The following NSUN6 variants were observed in gnomAD, a reference collection of about 807,000 sequenced individuals.
The protein encoded by NSUN6 is tRNA (cytosine(72)-C(5))-methyltransferase NSUN6.
Under a neutral mutation model 58.0 loss-of-function variants are expected in NSUN6, and 64 were observed. The ratio of observed to expected loss-of-function variants is 1.10; its 90% confidence interval spans 0.90 to 1.36. NSUN6 has a LOEUF of 1.36. NSUN6 is among the 40% of genes most tolerant of loss of function. The probability of loss-of-function intolerance (pLI) is 0.00; values close to 1 mark genes in which losing one functional copy is unlikely to be tolerated. For missense variants in NSUN6, 701 were observed against 550.1 expected (o/e 1.27, Z -2.74); for synonymous variants, 231 against 193.9 (o/e 1.19, Z -1.59).
chr10:18,620,334 G>T (rs558495281), intron 3 of NSUN6, among the ~76,000 whole-genome samples: 2 of 152,104 alleles, frequency 1.3e-5, no homozygotes, highest in African/African-American at 4.8e-5. Context: ...TGATCCGCCC[G>T]CCTCGGCCTC....
chr10:18,555,847 T>C (rs571604381), intron 8 of NSUN6, among the ~76,000 whole-genome samples: 3 of 134,018 alleles, frequency 2.2e-5, no homozygotes, highest in African/African-American at 5.8e-5. Flanking sequence ...TGGAGAAAAA[T>C]GGAATGGAGA....
chr10:18,565,357 C>G (rs2130912611), intron 8 of NSUN6, among the ~76,000 whole-genome samples: 1 of 150,234 alleles, frequency 6.7e-6, no homozygotes, highest in East Asian at 2.0e-4. Context: ...CATTCTATTC[C>G]CTTCCACTCT....
intron 10 of NSUN6, among the ~76,000 whole-genome samples, 173 bp downstream of exon 10, chr10:18,547,939 G>A (rs2054382641): frequency 1.3e-5 from 2 of 152,152 alleles, no homozygotes; most frequent in Admixed American, 1.3e-4. Context: ...AACTTTGTCA[G>A]GACATGCAAA....
chr10:18,631,211 T>C (rs2059018722), intron 3 of NSUN6, among the ~76,000 whole-genome samples: 1 of 151,872 alleles, frequency 6.6e-6, no homozygotes, highest in African/African-American at 2.4e-5. Flanking sequence ...TAACCCTTCA[T>C]GCTAAAAACT....
chr10:18,656,936 C>G (rs924697799), upstream of NSUN6, among the ~76,000 whole-genome samples: 2 of 149,816 alleles, frequency 1.3e-5, no homozygotes, highest in Non-Finnish European at 3.0e-5. Flanking sequence ...AAATGAGCCT[C>G]TTGCCTCAGC....
At chr10:18,563,259 A>G (rs890347804) in intron 8 of NSUN6, among the ~76,000 whole-genome samples, 6 of 150,400 alleles carry the variant, frequency 4.0e-5, no homozygotes, top group Non-Finnish European at 7.4e-5. Context: ...GAAATGGAGA[A>G]TGGAAGGGAA....
rs770611375 is a variant in NSUN6 at position 18,602,971 on chromosome 10, A to G, written c.658-6644T>C. On this transcript the variant is annotated intron_variant, in intron 6 of 10. Coordinates refer to ENST00000377304, the MANE Select transcript of NSUN6 (RefSeq NM_182543.5). ...ATTGACCAAAATATACAACCTCTAC[A>G]TAAGTCCTAGCCTATTAATGCTTTT... Among the ~76,000 whole-genome samples the G allele has an allele frequency of 2.2e-4, 34 of 152,308 alleles. No homozygotes were observed. In the Middle Eastern group the frequency reaches 0.01, roughly 46 times the overall value.
chr10:18,605,622 T>A (rs186442211), intron 6 of NSUN6, among the ~76,000 whole-genome samples: 2 of 152,214 alleles, frequency 1.3e-5, no homozygotes, highest in Non-Finnish European at 2.9e-5. Flanking sequence ...GTGAAATCAG[T>A]TGGCGTCTAG....
intron 3 of NSUN6, among the ~76,000 whole-genome samples, chr10:18,620,154 C>T (rs1418860551): frequency 6.6e-6 from 1 of 151,404 alleles, no homozygotes; most frequent in Non-Finnish European, 1.5e-5. Context: ...GTTGCGCCAT[C>T]TTGGCTCGCT....
At chr10:18,569,963 C>G (rs1011179434) in intron 8 of NSUN6, among the ~76,000 whole-genome samples, 3 of 151,090 alleles carry the variant, frequency 2.0e-5, no homozygotes, top group Non-Finnish European at 4.4e-5. Flanking sequence ...ACTCCCCATT[C>G]CATTACATTC....
intron 6 of NSUN6, among the ~76,000 whole-genome samples, chr10:18,606,349 C>A (rs1023456533): frequency 6.0e-5 from 9 of 151,004 alleles, no homozygotes; most frequent in Non-Finnish European, 8.8e-5. Context: ...AACAAAATAC[C>A]TTAGTCTCAA....
intron 3 of NSUN6, among the ~76,000 whole-genome samples, chr10:18,619,157 G>A (rs899895743): frequency 6.6e-6 from 1 of 152,200 alleles, no homozygotes; most frequent in Non-Finnish European, 1.5e-5. Flanking sequence ...ACAATGCCAA[G>A]TGTTTGGCTT....
intron 3 of NSUN6, among the ~76,000 whole-genome samples, chr10:18,623,510 C>T (rs1282951791): frequency 6.6e-6 from 1 of 152,136 alleles, no homozygotes; most frequent in Non-Finnish European, 1.5e-5. Flanking sequence ...CTCCTGGAGG[C>T]TTAATCAAAC....
chr10:18,603,271 A>G (rs905746822), intron 6 of NSUN6, among the ~76,000 whole-genome samples: 1 of 152,124 alleles, frequency 6.6e-6, no homozygotes, highest in Non-Finnish European at 1.5e-5. Flanking sequence ...AAAAAAATAA[A>G]ATACAGAATC....
chr10:18,579,280 C>A (rs2056800764), intron 8 of NSUN6, among the ~76,000 whole-genome samples: 1 of 152,120 alleles, frequency 6.6e-6, no homozygotes. Flanking sequence ...ATGCCATTCT[C>A]CTGCCTCAGC....
At chr10:18,626,330 A>G (rs1305957345) in intron 3 of NSUN6, among the ~76,000 whole-genome samples, 1 of 152,130 alleles carries the variant, frequency 6.6e-6, no homozygotes, top group Non-Finnish European at 1.5e-5. Context: ...ACTTGAGCTC[A>G]GGAGCTCGAG....
intron 8 of NSUN6, among the ~76,000 whole-genome samples, chr10:18,570,429 CTCCAT>C (rs1198300259): frequency 1.3e-5 from 2 of 148,756 alleles, no homozygotes; most frequent in East Asian, 4.0e-4. Context: ...CCATTCCATT[CTCCAT>C]TCCATTCCAT....
upstream of NSUN6, chr10:18,659,185 C>G (rs546152472): frequency 6.0e-6 from 1 of 166,690 alleles, no homozygotes; most frequent in East Asian, 1.8e-4. Context: ...CCCACCCCCC[C>G]GCGATACCGC....
chr10:18,588,049 A>G (rs2057235377), intron 7 of NSUN6, among the ~76,000 whole-genome samples: 1 of 152,192 alleles, frequency 6.6e-6, no homozygotes, highest in Non-Finnish European at 1.5e-5. Context: ...CAGCCAGCAC[A>G]GCAGTCTGGA....
Sources: gnomAD v4.1 joint callset for allele counts (sites outside exome capture counted in the v4.1 genomes callset) on GRCh38, gnomAD v4.1.1 for gene constraint, MANE v1.5 for transcripts, NCBI Gene and HGNC (gene_info 2026-07-23, HGNC 2026-07-21) for gene names.